ANKRD30B: variants seen among roughly 807,000 people sequenced by gnomAD.
The protein encoded by ANKRD30B is ankyrin repeat domain 30B.
ANKRD30B carries 144 observed loss-of-function variants against 202.2 expected under a neutral mutation model. That is an observed-to-expected ratio of 0.71 (90% CI 0.62 to 0.82). The LOEUF is 0.82. Among genes scored for constraint, ANKRD30B ranks in the 40% least tolerant of loss-of-function variants. ANKRD30B has a pLI of 0.00. For synonymous variants in ANKRD30B, 508 were observed against 561.3 expected, an observed-to-expected ratio of 0.91 and a Z score of 1.34; for missense variants, 1,487 against 1,669.1, an observed-to-expected ratio of 0.89 and a Z score of 1.90.
rs756919048 is a variant in ANKRD30B, at chr18:14,837,786, C to T, written c.2988+110C>T. ...CTCACCTCTGATTATGTCCATAAGG[C>T]GGGTGGATCACGAGGTCAGGAGATC... On this transcript the variant is annotated intron_variant, in intron 36 of 43. Coordinates refer to ENST00000690538, the MANE Select transcript of ANKRD30B (RefSeq NM_001367607.2). 7.1e-4 allele frequency: 888 copies of T among 1,258,162 alleles called. 1 individual carries two copies. Among genetic ancestry groups the T allele is most frequent in the Non-Finnish European group, 8.8e-4 (820 of 929,472 alleles). 77.9% of individuals were successfully genotyped at this position (1,258,162 alleles called of 1,614,324 possible). A position where few individuals can be genotyped will look rare whatever the true frequency, so the allele number is the denominator to read the frequency against.
chr18:14,766,493 A>AAAAAAAAAGAAAAGAAAAGAAAAG (rs1567989711), intron 7 of ANKRD30B, among the ~76,000 whole-genome samples: 2 of 85,044 alleles, frequency 2.4e-5, no homozygotes, highest in East Asian at 2.9e-4. Context: ...AAAAAAAAAA[A>AAAAAAAAAGAAAAGAAAAGAAAAG]AAAAGAAAAG....
intron 23 of ANKRD30B, among the ~76,000 whole-genome samples, chr18:14,803,377 AT>A (rs1277830806): frequency 8.7e-6 from 1 of 114,318 alleles, no homozygotes; most frequent in Admixed American, 1.0e-4. Context: ...AGTGTATTGT[AT>A]TTTGTTTGAA....
chr18:14,918,153 T>C, the ANKRD30B span, among the ~76,000 whole-genome samples: 1 of 152,204 alleles, frequency 6.6e-6, no homozygotes, highest in Admixed American at 6.5e-5. Context: ...AAGGCTGGTT[T>C]ACTTTAGTTC....
intron 34 of ANKRD30B, among the ~76,000 whole-genome samples, chr18:14,835,061 C>A (rs1340929954): frequency 6.6e-6 from 1 of 151,614 alleles, no homozygotes; most frequent in Non-Finnish European, 1.5e-5. Context: ...ACCTTGGTAG[C>A]TGTTTTGAAT....
chr18:14,841,339 G>A (rs1357929739), intron 37 of ANKRD30B, among the ~76,000 whole-genome samples: 2 of 152,118 alleles, frequency 1.3e-5, no homozygotes, highest in Non-Finnish European at 2.9e-5. Flanking sequence ...TGGGATTCTG[G>A]CATTTTTAAT....
At chr18:14,766,103 C>T (rs1313963900) in intron 7 of ANKRD30B, among the ~76,000 whole-genome samples, 1 of 151,928 alleles carries the variant, frequency 6.6e-6, no homozygotes, top group Non-Finnish European at 1.5e-5. Context: ...GTTTAAAAAG[C>T]TAGGGGACAG....
intron 28 of ANKRD30B, among the ~76,000 whole-genome samples, chr18:14,810,946 G>A (rs1376186259): frequency 6.6e-6 from 1 of 150,944 alleles, no homozygotes; most frequent in Non-Finnish European, 1.5e-5. Flanking sequence ...AAACCCCATC[G>A]CTACTAAAAA....
chr18:14,893,966 AAGAG>A, the ANKRD30B span, among the ~76,000 whole-genome samples: 2 of 151,032 alleles, frequency 1.3e-5, no homozygotes, highest in African/African-American at 2.4e-5. Flanking sequence ...ATATAAATAA[AAGAG>A]AGAGAGAGAA....
chr18:14,921,095 G>A, the ANKRD30B span, among the ~76,000 whole-genome samples: 17 of 152,208 alleles, frequency 1.1e-4, no homozygotes, highest in South Asian at 4.1e-4. Context: ...GAAGTGATCA[G>A]GTGGCAGGTG....
chr18:14,935,206 A>G, the ANKRD30B span, among the ~76,000 whole-genome samples: 30 of 152,238 alleles, frequency 2.0e-4, no homozygotes, highest in African/African-American at 7.0e-4. Flanking sequence ...TCAAAGGTAG[A>G]CTCATGAAAT....
At chr18:14,884,982 G>A in the ANKRD30B span, among the ~76,000 whole-genome samples, 1 of 152,012 alleles carries the variant, frequency 6.6e-6, no homozygotes, top group East Asian at 1.9e-4. Flanking sequence ...TACACATGAA[G>A]TTTTAATGAG....
intron 30 of ANKRD30B, among the ~76,000 whole-genome samples, chr18:14,820,851 T>C (rs1970378100): frequency 6.6e-6 from 1 of 152,324 alleles, no homozygotes; most frequent in Admixed American, 6.5e-5. Context: ...CTGCCCGGCT[T>C]TGGTATCAGA....
chr18:14,788,104 A>G (rs1179692370), intron 15 of ANKRD30B, among the ~76,000 whole-genome samples: 1 of 152,218 alleles, frequency 6.6e-6, no homozygotes, highest in African/African-American at 2.4e-5. Flanking sequence ...CAAGACAGAC[A>G]TCATTTTTAA....
chr18:14,778,044 A>C lies in ANKRD30B; in HGVS notation c.1389A>C (p.Lys463Asn). 6.5e-7 allele frequency: 1 copy of C among 1,548,666 alleles called. No homozygotes were observed. The highest frequency in any genetic ancestry group is 8.7e-7 in the Non-Finnish European group (1 of 1,144,688). Residue 463 changes from lysine to asparagine, a missense_variant, in exon 10 of 44, where the codon AAA becomes AAC. Lys to Asn is a moderately conservative substitution (Grantham distance 94). Coordinates refer to ENST00000690538, the MANE Select transcript of ANKRD30B (RefSeq NM_001367607.2). Reference sequence around the variant, plus strand: ...GTTTACCTGATGCTACATATCAAAAAGATATCAAAACAATAAATCACAAAA... The same window carrying C: ...GTTTACCTGATGCTACATATCAAAACGATATCAAAACAATAAATCACAAAA... ...YTCLPDATYQ[K>N]DIKTINHKIE...
At chr18:14,811,206 A>T (rs1327644021) in intron 28 of ANKRD30B, among the ~76,000 whole-genome samples, 41 of 151,234 alleles carry the variant, frequency 2.7e-4, no homozygotes, top group Middle Eastern at 3.4e-3. Context: ...TTTTTTTTTT[A>T]AATTTTGATA....
chr18:14,872,492 A>AT, the ANKRD30B span, among the ~76,000 whole-genome samples: 2 of 152,176 alleles, frequency 1.3e-5, no homozygotes, highest in Non-Finnish European at 2.9e-5. Flanking sequence ...ATTTATTGAG[A>AT]ACCTGTTGTG....
the ANKRD30B span, among the ~76,000 whole-genome samples, chr18:14,895,839 G>C: frequency 6.6e-6 from 1 of 152,308 alleles, no homozygotes; most frequent in East Asian, 1.9e-4. Flanking sequence ...GAGATAGTAA[G>C]ATCAGTGGTT....
chr18:14,844,176 C>T (rs907214670), intron 39 of ANKRD30B, among the ~76,000 whole-genome samples: 3 of 151,714 alleles, frequency 2.0e-5, no homozygotes, highest in African/African-American at 7.3e-5. Flanking sequence ...ATAACTGCAC[C>T]ACAACTAATT....
Position 14,808,585 on chromosome 18 carries a change from T to G in ANKRD30B, c.2313+6T>G, listed in dbSNP as rs767610498. On this transcript the variant is annotated splice_donor_region_variant and intron_variant, in intron 25 of 43. Transcript: ENST00000690538. ...ATAAAGATGGTCTTCTGAAGGTAATTACTTTTATATTTCTATGTTGAATAT... is the reference window on the plus strand; with the variant it reads ...ATAAAGATGGTCTTCTGAAGGTAATGACTTTTATATTTCTATGTTGAATAT... 6.4e-7 allele frequency: 1 copy of G among 1,559,746 alleles called. No homozygotes were observed. Among genetic ancestry groups the G allele is most frequent in the Non-Finnish European group, 8.8e-7 (1 of 1,136,540 alleles).
Sources: allele counts gnomAD v4.1 joint callset (sites outside exome capture counted in the v4.1 genomes callset), GRCh38; gene constraint gnomAD v4.1.1; transcripts MANE v1.5; gene names NCBI Gene and HGNC (gene_info 2026-07-23, HGNC 2026-07-21).